Variants in ACYP2 observed in about 807,000 individuals in gnomAD.
ACYP2 encodes the protein acylphosphatase-2.
In ACYP2, 12 loss-of-function variants were observed where a neutral mutation model predicts 11.2. That is an observed-to-expected ratio of 1.08 (90% confidence interval 0.69 to 1.74). The LOEUF is 1.74. ACYP2 is among the 40% of genes most tolerant of loss of function. The probability of loss-of-function intolerance (pLI) is 0.00; values close to 1 mark genes in which losing one functional copy is unlikely to be tolerated. For missense variants in ACYP2, 134 were observed against 101.9 expected (o/e 1.31, Z -1.35); for synonymous variants, 43 against 32.2 (o/e 1.33, Z -1.13).
At chr2:54,170,114 C>T (rs1179866171) in intron 6 of ACYP2, among the ~76,000 whole-genome samples, 1 of 152,036 alleles carries the variant, frequency 6.6e-6, no homozygotes, top group East Asian at 1.9e-4. Context: ...AAGTTGTGTC[C>T]TAAGGTGCCC....
intron 6 of ACYP2, among the ~76,000 whole-genome samples, chr2:54,158,170 C>T (rs1682519216): frequency 6.6e-6 from 1 of 150,880 alleles, no homozygotes; most frequent in Admixed American, 6.6e-5. Context: ...GAATTACAGG[C>T]ACCCACCACC....
At chr2:54,284,712 C>G (rs1689006241) in intron 6 of ACYP2, among the ~76,000 whole-genome samples, 1 of 152,160 alleles carries the variant, frequency 6.6e-6, no homozygotes, top group Admixed American at 6.5e-5. Flanking sequence ...CTTGATAAAG[C>G]TATGTTGACT....
intron 6 of ACYP2, among the ~76,000 whole-genome samples, chr2:54,243,277 A>G (rs1471546328): frequency 6.6e-6 from 1 of 152,222 alleles, no homozygotes; most frequent in Non-Finnish European, 1.5e-5. Flanking sequence ...CCTAGATGGT[A>G]GAGCCTACTA....
chr2:54,268,227 T>G (rs1198009808), intron 6 of ACYP2, among the ~76,000 whole-genome samples: 2 of 152,216 alleles, frequency 1.3e-5, no homozygotes, highest in Non-Finnish European at 2.9e-5. Flanking sequence ...TAGTTCTATA[T>G]TTTGGTTTTG....
chr2:54,254,560 T>C (rs949248706), intron 6 of ACYP2: 2 of 226,516 alleles, frequency 8.8e-6, no homozygotes, highest in Middle Eastern at 1.7e-3. Flanking sequence ...AATAGGTTCT[T>C]AGACACAGCT....
At chr2:54,054,566 TAACAG>T (rs1040385935) in intron 3 of ACYP2, among the ~76,000 whole-genome samples, 7 of 152,234 alleles carry the variant, frequency 4.6e-5, no homozygotes, top group African/African-American at 1.7e-4. Context: ...CTTCTTAACA[TAACAG>T]TACTGTGTGT....
At chr2:54,098,578 G>T (rs1678719697) in intron 4 of ACYP2, among the ~76,000 whole-genome samples, 1 of 152,116 alleles carries the variant, frequency 6.6e-6, no homozygotes, top group Admixed American at 6.5e-5. Flanking sequence ...TTTGTGATTA[G>T]CTTGATATCT....
chr2:53,976,806 C>G (rs1030933710), intron 2 of ACYP2, among the ~76,000 whole-genome samples: 4 of 152,102 alleles, frequency 2.6e-5, no homozygotes, highest in Non-Finnish European at 5.9e-5. Context: ...AAAATCACAG[C>G]TAAAGGAATG....
In ACYP2 at chr2:54,089,376, G is replaced by A. The variant is rs556766738; in HGVS notation, c.277+32016G>A. Among the ~76,000 whole-genome samples, 4 of 151,932 alleles carry A rather than the reference G, an allele frequency of 2.6e-5. No individual in the cohort carries two copies. In the East Asian group the frequency reaches 7.7e-4, roughly 29 times the overall value. ...TGAGGCCAAGACAGGAGAGGAGATT[G>A]CTTGAGGCCAGAAGTTCAGATATAT... On this transcript the variant is annotated intron_variant, in intron 4 of 6. Transcript: ENST00000607452.
chr2:54,095,517 AC>A (rs1320850541), intron 4 of ACYP2, among the ~76,000 whole-genome samples: 7 of 128,706 alleles, frequency 5.4e-5, no homozygotes, highest in Non-Finnish European at 8.3e-5. Flanking sequence ...CGGGGGGCTG[AC>A]CCCCCCACCT....
At chr2:54,090,832 C>T (rs1297117322) in intron 4 of ACYP2, among the ~76,000 whole-genome samples, 1 of 152,174 alleles carries the variant, frequency 6.6e-6, no homozygotes, top group African/African-American at 2.4e-5. Context: ...ATGCACGGGA[C>T]TTCTTCCTCT....
intron 6 of ACYP2, among the ~76,000 whole-genome samples, chr2:54,295,725 G>A (rs193037315): frequency 5.9e-5 from 9 of 152,168 alleles, no homozygotes; most frequent in African/African-American, 2.2e-4. Context: ...ATCATGCTAG[G>A]TGTTGGGAAT....
At chr2:54,153,593 C>CTTTTTTTT (rs58880193) in intron 6 of ACYP2, among the ~76,000 whole-genome samples, 1 of 137,702 alleles carries the variant, frequency 7.3e-6, no homozygotes, top group Non-Finnish European at 1.6e-5. Flanking sequence ...GTAGTGTGGA[C>CTTTTTTTT]TTTTTTTTTT....
chr2:54,149,951 C>A (rs934826548), intron 6 of ACYP2, among the ~76,000 whole-genome samples: 7 of 152,176 alleles, frequency 4.6e-5, no homozygotes, highest in Non-Finnish European at 1.5e-5. Flanking sequence ...AATGTTCTCT[C>A]TTTTTCCAGA....
intron 2 of ACYP2, among the ~76,000 whole-genome samples, chr2:53,997,867 C>T (rs1433710875): frequency 1.3e-5 from 2 of 152,084 alleles, no homozygotes; most frequent in Non-Finnish European, 2.9e-5. Flanking sequence ...GACTGTTTCA[C>T]GGAAATGAAT....
intron 4 of ACYP2, among the ~76,000 whole-genome samples, chr2:54,095,864 G>T (rs1228939615): frequency 7.3e-5 from 2 of 27,232 alleles, no homozygotes; most frequent in African/African-American, 3.1e-4. Flanking sequence ...AGGGGCGGCC[G>T]GGCAGAGGTG....
intron 4 of ACYP2, among the ~76,000 whole-genome samples, chr2:54,079,191 A>T (rs369503226): frequency 6.6e-5 from 10 of 152,230 alleles, no homozygotes; most frequent in African/African-American, 2.4e-4. Flanking sequence ...AGTCCATAGA[A>T]TATCTAAGGT....
chr2:54,186,036 GAGA>G (rs1488155244), intron 6 of ACYP2, among the ~76,000 whole-genome samples: 1 of 151,932 alleles, frequency 6.6e-6, no homozygotes, highest in Non-Finnish European at 1.5e-5. Context: ...TAGCTCACAA[GAGA>G]AGAAAAAACA....
intron 6 of ACYP2, among the ~76,000 whole-genome samples, chr2:54,201,108 CTTTT>C (rs757159071): frequency 2.6e-5 from 2 of 78,014 alleles, no homozygotes. Context: ...TTCTCTCTCT[CTTTT>C]TTTTTTTTTT....
Sources: allele counts gnomAD v4.1 joint callset (sites outside exome capture counted in the v4.1 genomes callset), GRCh38; gene constraint gnomAD v4.1.1; transcripts MANE v1.5; gene names NCBI Gene and HGNC (gene_info 2026-07-23, HGNC 2026-07-21).